The following ZNF273 variants were observed in gnomAD, a reference collection of about 807,000 sequenced individuals.
ZNF273 encodes zinc finger protein 273, also known as zinc finger protein 9.
A neutral mutation model predicts 14.9 loss-of-function variants in ZNF273; 11 were observed. The observed-to-expected ratio is 0.74, with a 90% confidence interval of 0.46 to 1.22. The LOEUF (loss-of-function observed/expected upper bound fraction) is 1.22, where lower values mean the gene tolerates loss of function less well. ZNF273 is among the 50% of genes most tolerant of loss of function. ZNF273 has a pLI of 0.00. For synonymous variants in ZNF273, 199 were observed against 223.9 expected, an observed-to-expected ratio of 0.89 and a Z score of 0.99; for missense variants, 577 against 660.6, an observed-to-expected ratio of 0.87 and a Z score of 1.39.
chr7:64,923,487 G>A (rs1436174548), intron 3 of ZNF273: 2 of 405,902 alleles, frequency 4.9e-6, no homozygotes, highest in Non-Finnish European at 9.6e-6. Flanking sequence ...GATTATAGGC[G>A]AGTGCCATCA....
chr7:64,936,633 GAC>G, the ZNF273 span, among the ~76,000 whole-genome samples: 1 of 152,172 alleles, frequency 6.6e-6, no homozygotes, highest in East Asian at 1.9e-4. Context: ...GTAAGTCAGA[GAC>G]ACTTAAATGT....
At chr7:64,924,381 G>C (rs1794669083) in intron 3 of ZNF273, 1 of 151,984 alleles carries the variant, frequency 6.6e-6, no homozygotes, top group African/African-American at 2.4e-5. Flanking sequence ...CTAATGTTCT[G>C]TCTTGTTTTA....
At chr7:64,899,141 A>G (rs1792535753), upstream of ZNF273, among the ~76,000 whole-genome samples, 2 of 152,326 alleles carry the variant, frequency 1.3e-5, no homozygotes, top group South Asian at 4.1e-4. Context: ...TTTAGCCAGA[A>G]TTTTAAATTT....
downstream of ZNF273, among the ~76,000 whole-genome samples, chr7:64,931,675 A>G (rs1419220237): frequency 6.6e-6 from 1 of 152,200 alleles, no homozygotes; most frequent in Non-Finnish European, 1.5e-5. Flanking sequence ...TCAGGTAAGT[A>G]CTAGGGAGGC....
chr7:64,925,466 C>G (rs998746345), intron 3 of ZNF273, among the ~76,000 whole-genome samples: 14 of 152,118 alleles, frequency 9.2e-5, no homozygotes, highest in Non-Finnish European at 2.1e-4. Flanking sequence ...GAGACAGAGT[C>G]TCGCTCTGTT....
exon 3 of ZNF273, chr7:64,879,540 C>G (rs1354413340): frequency 6.6e-6 from 1 of 152,352 alleles, no homozygotes; most frequent in Non-Finnish European, 1.5e-5. Flanking sequence ...GACCTCTGCT[C>G]CACCTTGGAC....
intron 1 of ZNF273, 87 bp from the exon 2 acceptor site, chr7:64,917,494 T>C (rs1794088608): frequency 6.5e-7 from 1 of 1,537,024 alleles, no homozygotes; most frequent in Non-Finnish European, 8.8e-7. Flanking sequence ...CCAGTTCTCT[T>C]TACTTTCGCA....
downstream of ZNF273, chr7:64,880,101 G>A (rs558529001): frequency 1.3e-5 from 2 of 152,372 alleles, no homozygotes; most frequent in East Asian, 3.9e-4. Context: ...ATCTCGACAA[G>A]TCTCTGACTC....
intron 1 of ZNF273, among the ~76,000 whole-genome samples, chr7:64,885,815 G>A (rs1218984517): frequency 6.6e-6 from 1 of 152,244 alleles, no homozygotes. Context: ...CATCAACTGG[G>A]AGGGAGTGGA....
chr7:64,882,698 T>C (rs1791303699), downstream of ZNF273: 1 of 152,412 alleles, frequency 6.6e-6, no homozygotes, highest in Non-Finnish European at 1.5e-5. Flanking sequence ...TGAGGAAACG[T>C]CAAGGGAAGG....
At position 64,912,846 on chromosome 7, in the gene ZNF273, T is replaced by TTTTTTTTTTTTTTTTTTTTTTTTTG. The variant is rs1562959220; in HGVS notation, c.103-4735_103-4734insTTTTTTTTTTTTTTTTTTTTTTTTG. 3.6e-4 allele frequency among the ~76,000 whole-genome samples: 35 copies of TTTTTTTTTTTTTTTTTTTTTTTTTG among 98,266 alleles called. 5 individuals carry two copies. The highest frequency in any genetic ancestry group is 5.1e-4 in the Non-Finnish European group (20 of 39,250). The allele number at this position is 98,266 out of a possible 152,430, so 64.5% of individuals were successfully genotyped here. On this transcript the variant is annotated intron_variant, in intron 1 of 3. Transcript: ENST00000476120. ...TTTTAGTTTTTTTTTTTTTTTTTTT[T>TTTTTTTTTTTTTTTTTTTTTTTTTG]GAGATTGAGTTTCGCTCTGTCATCC...
intron 1 of ZNF273, among the ~76,000 whole-genome samples, chr7:64,906,836 TAA>T (rs34632422): frequency 6.7e-6 from 1 of 149,986 alleles, no homozygotes; most frequent in Non-Finnish European, 1.5e-5. Flanking sequence ...CAAAGTTATG[TAA>T]AAAAAAAAAT....
upstream of ZNF273, among the ~76,000 whole-genome samples, chr7:64,899,653 C>CA (rs113839919): frequency 3.6e-3 from 420 of 116,872 alleles, 1 homozygote; most frequent in Middle Eastern, 9.8e-3. Context: ...GACTCCATCT[C>CA]AAAAAAAAAA....
At position 64,919,572 on chromosome 7, in the gene ZNF273, G is replaced by T. The variant is rs914909039; in HGVS notation, c.325+1280G>T. Among the ~76,000 whole-genome samples the T allele has an allele frequency of 2.0e-5, 3 of 152,268 alleles. No individual in the cohort carries two copies. The East Asian group carries it at 5.8e-4, about 29-fold the overall frequency. ...CACCTGAACCTGGGAGGCGGAGGTT[G>T]CAGTGAGCTGAGATCACCCCACTGC... On this transcript the variant is annotated intron_variant, in intron 3 of 3. Coordinates refer to ENST00000476120, the MANE Select transcript of ZNF273 (RefSeq NM_021148.3).
At chr7:64,910,857 C>T (rs1793458768) in intron 1 of ZNF273, among the ~76,000 whole-genome samples, 1 of 150,806 alleles carries the variant, frequency 6.6e-6, no homozygotes, top group South Asian at 2.1e-4. Context: ...CCTCCGCCTC[C>T]TAGGTTCAAA....
intron 3 of ZNF273, among the ~76,000 whole-genome samples, chr7:64,926,631 G>T (rs1430319304): frequency 6.6e-6 from 1 of 151,952 alleles, no homozygotes; most frequent in Non-Finnish European, 1.5e-5. Flanking sequence ...AGGCCATGTT[G>T]CCTTCCTATT....
exon 2 of ZNF273, chr7:64,888,593 C>A: frequency 1.0e-6 from 1 of 985,882 alleles, no homozygotes; most frequent in Non-Finnish European, 1.2e-6. Flanking sequence ...CACCTGCCCG[C>A]CCTCCACCTT....
upstream of ZNF273, chr7:64,903,118 T>C (rs1792835325): frequency 2.0e-6 from 1 of 497,210 alleles, no homozygotes. Context: ...TTCTATCTTC[T>C]TTCAGCCCAG....
chr7:64,892,521 C>A (rs1357938322), downstream of ZNF273, among the ~76,000 whole-genome samples: 1 of 152,116 alleles, frequency 6.6e-6, no homozygotes, highest in Admixed American at 6.5e-5. Context: ...CAGCCTTGTT[C>A]TTCTGGGGTG....
Sources: gnomAD v4.1 joint callset for allele counts (sites outside exome capture counted in the v4.1 genomes callset) on GRCh38, gnomAD v4.1.1 for gene constraint, MANE v1.5 for transcripts, NCBI Gene and HGNC (gene_info 2026-07-23, HGNC 2026-07-21) for gene names.